Variants in PARD3 observed in about 807,000 individuals in gnomAD.
PARD3 encodes the protein partitioning defective 3 homolog.
Under a neutral mutation model 155.4 loss-of-function variants are expected in PARD3, and 75 were observed. The ratio of observed to expected loss-of-function variants is 0.48; its 90% CI spans 0.40 to 0.58. The LOEUF is 0.58. Ranked by LOEUF, PARD3 falls within the 20% of genes least tolerant of loss-of-function variation. The pLI, the probability that PARD3 is intolerant of heterozygous loss-of-function variation, is 0.00. For missense variants in PARD3, 1,642 were observed against 1,721.7 expected (o/e 0.95, Z 0.82); for synonymous variants, 576 against 610.5 (o/e 0.94, Z 0.83).
intron 22 of PARD3, among the ~76,000 whole-genome samples, chr10:34,142,272 G>A (rs545294194): frequency 1.0e-3 from 158 of 152,262 alleles, no homozygotes; most frequent in Middle Eastern, 6.8e-3. Flanking sequence ...GCTGGGTGCC[G>A]GGGCTTATCC....
intron 22 of PARD3, among the ~76,000 whole-genome samples, chr10:34,193,489 C>T (rs1040697511): frequency 2.0e-5 from 3 of 152,104 alleles, no homozygotes; most frequent in Non-Finnish European, 4.4e-5. Context: ...AAAAAGGCTC[C>T]AAACTTCTAA....
At chr10:34,742,169 A>G (rs2095030980) in intron 1 of PARD3, among the ~76,000 whole-genome samples, 1 of 152,092 alleles carries the variant, frequency 6.6e-6, no homozygotes. Context: ...ACTCAATTAA[A>G]CCTCCAAATT....
In PARD3 at chr10:34,528,366, G is replaced by A. The variant is rs190752281; in HGVS notation, c.223-11207C>T. 3.0e-3 allele frequency among the ~76,000 whole-genome samples: 463 copies of A among 152,282 alleles called. 2 individuals are homozygous for A. The highest frequency in any genetic ancestry group is 0.011 in the African/African-American group (437 of 41,550). On this transcript the variant is annotated intron_variant, in intron 2 of 24. Transcript: ENST00000374788. ...CACACAAGTGACCCAGAATAATGGAGATGGAGACACTTTATCCTGCGGTTT... is the reference window on the plus strand; with the variant it reads ...CACACAAGTGACCCAGAATAATGGAAATGGAGACACTTTATCCTGCGGTTT...
At chr10:34,808,111 T>C (rs1843627861) in intron 1 of PARD3, among the ~76,000 whole-genome samples, 1 of 152,184 alleles carries the variant, frequency 6.6e-6, no homozygotes, top group Non-Finnish European at 1.5e-5. Context: ...CTCAGGTGTT[T>C]GAGATCAGCC....
At chr10:34,456,344 T>C (rs1237464387) in intron 4 of PARD3, among the ~76,000 whole-genome samples, 2 of 152,172 alleles carry the variant, frequency 1.3e-5, no homozygotes, top group African/African-American at 2.4e-5. Context: ...TGGCCCAGGC[T>C]GGAGTGCAGT....
At chr10:34,722,833 A>G (rs2094629906) in intron 1 of PARD3, among the ~76,000 whole-genome samples, 1 of 152,194 alleles carries the variant, frequency 6.6e-6, no homozygotes, top group South Asian at 2.1e-4. Flanking sequence ...ACAAATACAT[A>G]TATTGAACAT....
At chr10:34,392,203 T>TA (rs1842927082) in intron 7 of PARD3, among the ~76,000 whole-genome samples, 1 of 152,044 alleles carries the variant, frequency 6.6e-6, no homozygotes, top group African/African-American at 2.4e-5. Flanking sequence ...AATATTCTCT[T>TA]AGAGATGTGA....
At chr10:34,709,427 T>C (rs953344399) in intron 1 of PARD3, among the ~76,000 whole-genome samples, 4 of 152,196 alleles carry the variant, frequency 2.6e-5, no homozygotes, top group Non-Finnish European at 4.4e-5. Context: ...GGAATAAATA[T>C]GTATTATTAG....
chr10:34,555,798 T>TG (rs1193408954), intron 2 of PARD3, among the ~76,000 whole-genome samples: 2 of 152,108 alleles, frequency 1.3e-5, no homozygotes, highest in East Asian at 1.9e-4. Flanking sequence ...GAGTGAGCCC[T>TG]GGGGAGGCAG....
chr10:34,355,936 A>AAAAAAC (rs1838780556), intron 14 of PARD3, among the ~76,000 whole-genome samples: 4 of 114,432 alleles, frequency 3.5e-5, no homozygotes, highest in Non-Finnish European at 5.5e-5. Context: ...AAAAAAAAAA[A>AAAAAAC]AAAAAAAAAA....
chr10:34,348,292 T>G (rs981746958), intron 14 of PARD3, among the ~76,000 whole-genome samples, 177 bp from the exon 15 acceptor site: 1 of 152,204 alleles, frequency 6.6e-6, no homozygotes, highest in African/African-American at 2.4e-5. Flanking sequence ...ATGACCAACT[T>G]TCTGTGCCAC....
intron 6 of PARD3, among the ~76,000 whole-genome samples, chr10:34,400,709 A>T (rs1843789983): frequency 6.6e-6 from 1 of 152,218 alleles, no homozygotes; most frequent in African/African-American, 2.4e-5. Flanking sequence ...GCATAAAGAC[A>T]GGAATATCAA....
intron 2 of PARD3, among the ~76,000 whole-genome samples, chr10:34,672,101 G>A (rs941294223): frequency 1.3e-5 from 2 of 152,048 alleles, no homozygotes; most frequent in Admixed American, 6.6e-5. Flanking sequence ...CCAGGAGTTC[G>A]AGGCTGCAGT....
intron 3 of PARD3, among the ~76,000 whole-genome samples, chr10:34,484,405 T>A (rs1455879573): frequency 1.3e-5 from 2 of 152,228 alleles, no homozygotes; most frequent in Non-Finnish European, 2.9e-5. Context: ...TACCACTCCC[T>A]CTGTCAGATT....
chr10:34,715,696 T>C (rs1002594620), intron 1 of PARD3, among the ~76,000 whole-genome samples: 2 of 152,338 alleles, frequency 1.3e-5, no homozygotes, highest in African/African-American at 2.4e-5. Flanking sequence ...GTGAGTCCCA[T>C]AGGCCACAGT....
intron 2 of PARD3, among the ~76,000 whole-genome samples, chr10:34,688,625 T>C (rs12266816): frequency 0.019 from 2,854 of 152,272 alleles, 92 homozygotes; most frequent in African/African-American, 0.065. Context: ...TTCTACACCT[T>C]AGAAAATCAA....
At chr10:34,785,685 A>G (rs1439902204) in intron 1 of PARD3, among the ~76,000 whole-genome samples, 1 of 152,172 alleles carries the variant, frequency 6.6e-6, no homozygotes, top group African/African-American at 2.4e-5. Context: ...TGCAGTGAGC[A>G]GAGATCACAT....
At chr10:34,528,133 A>T (rs2082602176) in intron 2 of PARD3, among the ~76,000 whole-genome samples, 1 of 152,242 alleles carries the variant, frequency 6.6e-6, no homozygotes. Context: ...CAGGTAAAAG[A>T]AATAACTTGC....
intron 22 of PARD3, among the ~76,000 whole-genome samples, chr10:34,260,519 C>T (rs546814955): frequency 6.6e-6 from 1 of 152,130 alleles, no homozygotes; most frequent in Non-Finnish European, 1.5e-5. Context: ...AGGTCTGGAG[C>T]TGAGTTGTGC....
Sources: gnomAD v4.1 joint callset for allele counts (sites outside exome capture counted in the v4.1 genomes callset) on GRCh38, gnomAD v4.1.1 for gene constraint, MANE v1.5 for transcripts, NCBI Gene and HGNC (gene_info 2026-07-23, HGNC 2026-07-21) for gene names.